Variants in BCAT1 observed in about 807,000 individuals in gnomAD.
The protein encoded by BCAT1 is branched-chain-amino-acid aminotransferase, cytosolic.
A neutral mutation model predicts 52.4 loss-of-function variants in BCAT1; 48 were observed. That is an observed-to-expected ratio of 0.92 (90% confidence interval 0.73 to 1.16). The LOEUF is 1.16. Among genes scored for constraint, BCAT1 ranks in the 50% most tolerant of loss-of-function variants. The pLI is 0.00. For synonymous variants in BCAT1, 167 were observed against 161.3 expected, an observed-to-expected ratio of 1.04 and a Z score of -0.27; for missense variants, 451 against 457.1, an observed-to-expected ratio of 0.99 and a Z score of 0.12.
chr12:24,896,727 G>A (rs1942968672), intron 2 of BCAT1, among the ~76,000 whole-genome samples: 1 of 152,010 alleles, frequency 6.6e-6, no homozygotes, highest in African/African-American at 2.4e-5. Context: ...AGACACACCA[G>A]TGCACTCCAG....
At chr12:24,894,239 C>A (rs777019697) in intron 3 of BCAT1, 36 bp downstream of exon 3, 2 of 1,596,180 alleles carry the variant, frequency 1.3e-6, no homozygotes, top group Admixed American at 1.7e-5. Flanking sequence ...CAGTGAAGTG[C>A]AAGCATGTCA....
At chr12:24,866,915 C>T (rs1942035741) in intron 5 of BCAT1, among the ~76,000 whole-genome samples, 1 of 152,158 alleles carries the variant, frequency 6.6e-6, no homozygotes, top group Non-Finnish European at 1.5e-5. Flanking sequence ...GGTCCCCTTC[C>T]ATACTGTGGA....
In BCAT1 at chr12:24,832,725, C is replaced by T. The variant is rs144632372; in HGVS notation, c.1042G>A (p.Glu348Lys). 8,245 of 1,603,164 alleles carry T rather than the reference C, an allele frequency of 5.1e-3. 24 individuals carry two copies. Among genetic ancestry groups the T allele is most frequent in the Non-Finnish European group, 6.1e-3 (7,145 of 1,175,170 alleles). Residue 348 changes from glutamate (E) to lysine (K), a missense_variant and splice_region_variant, in exon 9 of 11, where the codon GAG becomes AAG. Glu to Lys is a moderately conservative substitution (Grantham distance 56). Transcript: ENST00000261192. ...AAATGAGGAAATACTTGTCGTACCT[C>T]GCCTTTGTACAGTATATCAGAAACT... ...CPVSDILYKGETIHIPTMENG... is the reference protein window; with the variant it reads ...CPVSDILYKGKTIHIPTMENG...
At chr12:24,842,884 G>C (rs745951346) in intron 6 of BCAT1, among the ~76,000 whole-genome samples, 1 of 152,138 alleles carries the variant, frequency 6.6e-6, no homozygotes, top group Non-Finnish European at 1.5e-5. Context: ...TTCCCGGAAT[G>C]ACAATTTAGT....
In BCAT1 at chr12:24,902,432, A is replaced by G. The variant is rs80119911; in HGVS notation, c.7-547T>C. ...GGTATTAGTGGGCAATTTAAAAGAT[A>G]AAGACACAGGGAAGCGGGACTAATT... On this transcript the variant is annotated intron_variant, in intron 1 of 10. Transcript: ENST00000261192. The G allele has an allele frequency of 3.2e-3, 3,422 of 1,057,804 alleles. 82 individuals are homozygous for G. In the African/African-American group the frequency reaches 0.053, roughly 17 times the overall value. 65.5% of individuals were successfully genotyped at this position (1,057,804 alleles called of 1,614,324 possible). A position where few individuals can be genotyped will look rare whatever the true frequency, so the allele number is the denominator to read the frequency against.
chr12:24,818,127 G>C, intron 10 of BCAT1, 78 bp from the exon 11 acceptor site: 2 of 1,421,922 alleles, frequency 1.4e-6, no homozygotes, highest in East Asian at 2.3e-5. Flanking sequence ...ACTTAATACC[G>C]CCAAGGTTAC....
At chr12:24,891,608 CTAA>C (rs771074866) in intron 3 of BCAT1, among the ~76,000 whole-genome samples, 44 of 152,144 alleles carry the variant, frequency 2.9e-4, no homozygotes, top group Non-Finnish European at 5.4e-4. Flanking sequence ...AAGCAGAAGA[CTAA>C]TAATAAAAGA....
chr12:24,898,275 A>G (rs887790303), intron 2 of BCAT1, among the ~76,000 whole-genome samples: 12 of 152,212 alleles, frequency 7.9e-5, no homozygotes, highest in African/African-American at 2.7e-4. Context: ...AATGCTCCAC[A>G]TTCCCTGATG....
chr12:24,850,836 G>A (rs10842417), intron 5 of BCAT1, among the ~76,000 whole-genome samples: 30,905 of 152,108 alleles, frequency 0.2, 3,192 homozygotes, highest in Non-Finnish European at 0.21. Context: ...AAGGCTGCCC[G>A]AATTGAGAAT....
At chr12:24,871,534 A>C (rs982152987) in intron 5 of BCAT1, among the ~76,000 whole-genome samples, 1 of 152,238 alleles carries the variant, frequency 6.6e-6, no homozygotes, top group Non-Finnish European at 1.5e-5. Flanking sequence ...ATTTTTAAAA[A>C]CACATATAAG....
At chr12:24,861,201 G>A (rs1264447908) in intron 5 of BCAT1, among the ~76,000 whole-genome samples, 1 of 152,184 alleles carries the variant, frequency 6.6e-6, no homozygotes, top group Non-Finnish European at 1.5e-5. Context: ...ACCAACCAGT[G>A]ATCTCTAGCT....
At chr12:24,908,116 G>A (rs911559625) in intron 1 of BCAT1, among the ~76,000 whole-genome samples, 18 of 152,140 alleles carry the variant, frequency 1.2e-4, no homozygotes, top group Non-Finnish European at 2.6e-4. Context: ...TGTTCTCAGG[G>A]TCCACTCCAC....
At chr12:24,832,196 G>A (rs528716550) in intron 9 of BCAT1, among the ~76,000 whole-genome samples, 1 of 152,322 alleles carries the variant, frequency 6.6e-6, no homozygotes, top group East Asian at 1.9e-4. Context: ...TAGGAAGGAA[G>A]AGAGAAGAGT....
chr12:24,933,109 CTTTTTTTTTT>C (rs57512325), intron 1 of BCAT1, among the ~76,000 whole-genome samples: 1 of 68,578 alleles, frequency 1.5e-5, no homozygotes, highest in African/African-American at 6.2e-5. Context: ...CACGCCTGGC[CTTTTTTTTTT>C]TTTTTTTTTT....
chr12:24,946,893 C>T (rs535163414), intron 1 of BCAT1, among the ~76,000 whole-genome samples: 3 of 152,264 alleles, frequency 2.0e-5, no homozygotes, highest in Non-Finnish European at 4.4e-5. Flanking sequence ...AAGAGAAATT[C>T]TTGCGTAAAA....
chr12:24,844,509 C>T (rs569524901), intron 6 of BCAT1, among the ~76,000 whole-genome samples: 2 of 152,250 alleles, frequency 1.3e-5, no homozygotes, highest in African/African-American at 4.8e-5. Flanking sequence ...TGACTAATAG[C>T]TGAAATATTC....
chr12:24,831,819 G>A (rs1255863011), intron 9 of BCAT1, among the ~76,000 whole-genome samples: 1 of 152,202 alleles, frequency 6.6e-6, no homozygotes, highest in Non-Finnish European at 1.5e-5. Context: ...AGATGCCAAT[G>A]TTAATCATAA....
At chr12:24,863,775 T>C (rs1941920715) in intron 5 of BCAT1, among the ~76,000 whole-genome samples, 1 of 152,156 alleles carries the variant, frequency 6.6e-6, no homozygotes, top group East Asian at 1.9e-4. Flanking sequence ...TACAAAAAAT[T>C]TAAAAATCAG....
chr12:24,840,062 T>C (rs979860425), intron 7 of BCAT1, among the ~76,000 whole-genome samples: 2 of 152,230 alleles, frequency 1.3e-5, no homozygotes, highest in African/African-American at 4.8e-5. Context: ...ACTAACAGTC[T>C]TAAGGTCTTG....
Sources: allele counts gnomAD v4.1 joint callset (sites outside exome capture counted in the v4.1 genomes callset), GRCh38; gene constraint gnomAD v4.1.1; transcripts MANE v1.5; gene names NCBI Gene and HGNC (gene_info 2026-07-23, HGNC 2026-07-21).